The following DDAH1 variants were observed in gnomAD, a reference collection of about 807,000 sequenced individuals.
DDAH1 encodes dimethylarginine dimethylaminohydrolase 1.
A neutral mutation model predicts 28.8 loss-of-function variants in DDAH1; 19 were observed. The ratio of observed to expected loss-of-function variants is 0.66; its 90% confidence interval spans 0.46 to 0.97. The LOEUF (loss-of-function observed/expected upper bound fraction) is 0.97. Ranked by LOEUF, DDAH1 falls within the 50% of genes least tolerant of loss-of-function variation. The pLI, the probability that DDAH1 is intolerant of heterozygous loss-of-function variation, is 0.00. For missense variants in DDAH1, 326 were observed against 375.9 expected (o/e 0.87, Z 1.10); for synonymous variants, 153 against 154.4 (o/e 0.99, Z 0.07).
chr1:85,505,671 G>A (rs554166691), intron 1 of DDAH1, among the ~76,000 whole-genome samples: 1 of 152,326 alleles, frequency 6.6e-6, no homozygotes, highest in South Asian at 2.1e-4. Flanking sequence ...GATTGTGCTA[G>A]AAGGGGAATC....
chr1:85,502,836 G>C (rs1656867490), intron 1 of DDAH1, among the ~76,000 whole-genome samples: 1 of 152,086 alleles, frequency 6.6e-6, no homozygotes, highest in South Asian at 2.1e-4. Flanking sequence ...TACCACCTCT[G>C]TCTGCAGAGC....
chr1:85,437,622 C>CCAATA (rs1654000233), intron 1 of DDAH1, among the ~76,000 whole-genome samples: 1 of 152,062 alleles, frequency 6.6e-6, no homozygotes, highest in South Asian at 2.1e-4. Context: ...TGTGTTAATG[C>CCAATA]ACTTTATGTT....
intron 1 of DDAH1, among the ~76,000 whole-genome samples, chr1:85,566,464 C>A (rs1473427481): frequency 6.7e-6 from 1 of 148,862 alleles, no homozygotes; most frequent in Non-Finnish European, 1.5e-5. Flanking sequence ...TGCACTCCAG[C>A]CTGGGTGACA....
chr1:85,419,518 C>T (rs1031611495), intron 1 of DDAH1, among the ~76,000 whole-genome samples: 75 of 107,348 alleles, frequency 7.0e-4, no homozygotes, highest in South Asian at 1.2e-3. Flanking sequence ...CCAGCCTGGA[C>T]GACAAGAGTG....
intron 1 of DDAH1, among the ~76,000 whole-genome samples, chr1:85,546,294 A>C (rs757262445): frequency 3.9e-5 from 6 of 152,190 alleles, no homozygotes; most frequent in Non-Finnish European, 8.8e-5. Flanking sequence ...TAAAAGGACA[A>C]GCATGGCCTC....
chr1:85,392,386 C>T (rs999457829), intron 1 of DDAH1, among the ~76,000 whole-genome samples: 2 of 152,174 alleles, frequency 1.3e-5, no homozygotes, highest in Non-Finnish European at 2.9e-5. Context: ...TGTGAAGACT[C>T]TATCTCCAGA....
intron 2 of DDAH1, among the ~76,000 whole-genome samples, chr1:85,476,627 C>T (rs1176371672): frequency 6.6e-6 from 1 of 152,078 alleles, no homozygotes; most frequent in Non-Finnish European, 1.5e-5. Context: ...CTGCCGTGCT[C>T]TTTAGGGGCT....
At chr1:85,422,384 G>C (rs941051164) in intron 1 of DDAH1, among the ~76,000 whole-genome samples, 3 of 151,958 alleles carry the variant, frequency 2.0e-5, no homozygotes, top group East Asian at 1.9e-4. Flanking sequence ...TTCTTTCATA[G>C]AGCAGAAGTT....
At position 85,516,182 on chromosome 1, in the gene DDAH1, A is replaced by G. The variant is rs562108523; in HGVS notation, c.-122-19901T>C. Among the ~76,000 whole-genome samples, 51 of 152,144 alleles carry G rather than the reference A, an allele frequency of 3.4e-4. No individual in the cohort carries two copies. In the East Asian group the frequency reaches 9.3e-3, roughly 28 times the overall value. On this transcript the variant is annotated intron_variant, in intron 1 of 6. Transcript: ENST00000426972. ...AGGTACTGGGGGTTAGAATTTCAAC[A>G]TATGAATTTGCTAGGGAGACTACAG...
At chr1:85,339,561 A>G (rs1648340866) in intron 4 of DDAH1, among the ~76,000 whole-genome samples, 1 of 152,202 alleles carries the variant, frequency 6.6e-6, no homozygotes, top group South Asian at 2.1e-4. Context: ...TGGTAGTGGG[A>G]TGGTTTTGCA....
At chr1:85,424,994 C>CT (rs941471954) in intron 1 of DDAH1, among the ~76,000 whole-genome samples, 8 of 151,778 alleles carry the variant, frequency 5.3e-5, no homozygotes, top group Non-Finnish European at 4.4e-5. Context: ...AAGAGTATCC[C>CT]TTTTTTTTAT....
intron 1 of DDAH1, among the ~76,000 whole-genome samples, chr1:85,373,246 CTCTT>C (rs766967604): frequency 3.9e-5 from 6 of 152,126 alleles, no homozygotes; most frequent in Non-Finnish European, 7.4e-5. Context: ...AGTAAATTAA[CTCTT>C]TCAGGTCTTC....
At chr1:85,454,192 AC>A (rs1197036993) in intron 1 of DDAH1, among the ~76,000 whole-genome samples, 2 of 152,210 alleles carry the variant, frequency 1.3e-5, no homozygotes, top group Admixed American at 6.5e-5. Context: ...TCTTAACATA[AC>A]CTTCCCTTAA....
chr1:85,484,064 T>C (rs970493459), intron 2 of DDAH1, among the ~76,000 whole-genome samples: 2 of 152,098 alleles, frequency 1.3e-5, no homozygotes, highest in Admixed American at 1.3e-4. Context: ...TAGGTAGAAG[T>C]AATATCAATA....
At chr1:85,456,716 A>G (rs568014605) in intron 1 of DDAH1, among the ~76,000 whole-genome samples, 59 of 152,348 alleles carry the variant, frequency 3.9e-4, no homozygotes, top group African/African-American at 1.4e-3. Context: ...TAATTCCATT[A>G]TAAGTTGAGG....
At chr1:85,420,438 C>G (rs898177445) in intron 1 of DDAH1, among the ~76,000 whole-genome samples, 4 of 152,184 alleles carry the variant, frequency 2.6e-5, no homozygotes, top group Non-Finnish European at 5.9e-5. Flanking sequence ...TTAGAAGCAA[C>G]CAGGGCACAT....
intron 1 of DDAH1, among the ~76,000 whole-genome samples, chr1:85,527,651 A>G (rs1482178471): frequency 1.3e-5 from 2 of 152,070 alleles, no homozygotes; most frequent in East Asian, 1.9e-4. Flanking sequence ...ATGAGAGGGT[A>G]GGTACTATAT....
At chr1:85,430,488 G>C (rs1350321085) in intron 1 of DDAH1, among the ~76,000 whole-genome samples, 1 of 152,194 alleles carries the variant, frequency 6.6e-6, no homozygotes, top group Non-Finnish European at 1.5e-5. Context: ...ATTACTTTGG[G>C]CAGTATGGCC....
Position 85,464,562 on chromosome 1 carries a change from G to T in DDAH1, c.303+181C>A. 1 of 1,529,368 alleles carries T rather than the reference G, an allele frequency of 6.5e-7. No homozygotes were observed. The highest frequency in any genetic ancestry group is 1.2e-5 in the South Asian group (1 of 83,008). The allele number at this position is 1,529,368 out of a possible 1,614,324, so 94.7% of individuals were successfully genotyped here. A position where few individuals can be genotyped will look rare whatever the true frequency, so the allele number is the denominator to read the frequency against. Reference sequence around the variant, plus strand: ...AAGGCTGCCGGCAGCCGGGAGGTGTGAACAATGAACTTCTCTCTGACTCTC... The same window carrying T: ...AAGGCTGCCGGCAGCCGGGAGGTGTTAACAATGAACTTCTCTCTGACTCTC... On this transcript the variant is annotated intron_variant, in intron 1 of 5. Transcript: ENST00000284031. This position sits in a 1 kb window ranked among gnomAD's most constrained non-coding sequence, Gnocchi z 4.4.
Sources: allele counts gnomAD v4.1 joint callset (sites outside exome capture counted in the v4.1 genomes callset), GRCh38; gene constraint gnomAD v4.1.1; non-coding constraint Gnocchi (gnomAD v3.1); transcripts MANE v1.5; gene names NCBI Gene and HGNC (gene_info 2026-07-23, HGNC 2026-07-21).